The following PTPRD variants were observed in gnomAD, a reference collection of about 807,000 sequenced individuals.
The protein encoded by PTPRD is protein tyrosine phosphatase receptor type D, also known as receptor-type tyrosine-protein phosphatase delta.
In PTPRD, 34 loss-of-function variants were observed where a neutral mutation model predicts 214.5. The ratio of observed to expected loss-of-function variants is 0.16; its 90% CI spans 0.12 to 0.21. The LOEUF (loss-of-function observed/expected upper bound fraction) is 0.21, where lower values mean the gene tolerates loss of function less well. Among genes scored for constraint, PTPRD ranks in the 10% least tolerant of loss-of-function variants. The pLI is 1.00. For missense variants in PTPRD, 2,545 were observed against 2,398.7 expected (o/e 1.06, Z -1.27); for synonymous variants, 1,128 against 845.7 (o/e 1.33, Z -5.79).
chr9:9,593,742 A>T (rs143575776), intron 7 of PTPRD, among the ~76,000 whole-genome samples: 1,830 of 152,156 alleles, frequency 0.012, 9 homozygotes, highest in Non-Finnish European at 0.019. Context: ...CACTGAGGAA[A>T]TGCAGTCATT....
chr9:8,766,586 C>A (rs2094770548), intron 11 of PTPRD, among the ~76,000 whole-genome samples: 1 of 152,172 alleles, frequency 6.6e-6, no homozygotes, highest in South Asian at 2.1e-4. Flanking sequence ...CACAAAAGCA[C>A]TCACCTATGT....
intron 14 of PTPRD, among the ~76,000 whole-genome samples, chr9:8,610,832 T>C (rs750455958): frequency 2.0e-5 from 3 of 152,200 alleles, no homozygotes; most frequent in Non-Finnish European, 4.4e-5. Context: ...CATTAAACCA[T>C]ACAACAGGAC....
chr9:9,438,828 T>C (rs543183924), intron 8 of PTPRD, among the ~76,000 whole-genome samples: 6 of 152,190 alleles, frequency 3.9e-5, no homozygotes, highest in Admixed American at 2.0e-4. Context: ...ATAAATGCAA[T>C]ATTCTAAATT....
chr9:9,955,136 T>C (rs1264917150), intron 4 of PTPRD, among the ~76,000 whole-genome samples: 3 of 152,186 alleles, frequency 2.0e-5, no homozygotes, highest in East Asian at 1.9e-4. Flanking sequence ...AACAGCAATG[T>C]AGTCAGGTCC....
intron 2 of PTPRD, among the ~76,000 whole-genome samples, chr9:10,593,806 G>A (rs1172361383): frequency 6.6e-6 from 1 of 151,832 alleles, no homozygotes; most frequent in East Asian, 1.9e-4. Flanking sequence ...AAGCCTATTT[G>A]TAACCTTGAA....
intron 2 of PTPRD, among the ~76,000 whole-genome samples, chr9:10,390,789 G>A (rs1164549101): frequency 6.6e-6 from 1 of 151,696 alleles, no homozygotes; most frequent in Non-Finnish European, 1.5e-5. Context: ...TTATTCATAT[G>A]ACACATGTCT....
chr9:9,710,319 T>C (rs575561079), intron 7 of PTPRD, among the ~76,000 whole-genome samples: 1 of 152,226 alleles, frequency 6.6e-6, no homozygotes, highest in African/African-American at 2.4e-5. Flanking sequence ...CCCAGAACTC[T>C]AAAATTTAGT....
At chr9:9,106,612 CAAAAAAAAAA>C (rs5896301) in intron 10 of PTPRD, among the ~76,000 whole-genome samples, 1 of 71,632 alleles carries the variant, frequency 1.4e-5, no homozygotes, top group African/African-American at 5.3e-5. Context: ...ATTCCATAGG[CAAAAAAAAAA>C]AAAAAAAAAA....
At chr9:8,412,164 C>T (rs2093584441) in intron 35 of PTPRD, among the ~76,000 whole-genome samples, 1 of 152,260 alleles carries the variant, frequency 6.6e-6, no homozygotes. Context: ...CTACTCTACT[C>T]AGGATGCTGA....
intron 21 of PTPRD, among the ~76,000 whole-genome samples, chr9:8,508,315 G>C (rs6477313): frequency 0.2 from 30,251 of 152,082 alleles, 3,285 homozygotes; most frequent in African/African-American, 0.28. Flanking sequence ...AGAATAATTA[G>C]TAACCTAAAC....
At chr9:9,836,250 T>A (rs529721649) in intron 5 of PTPRD, among the ~76,000 whole-genome samples, 62 of 152,256 alleles carry the variant, frequency 4.1e-4, no homozygotes, top group African/African-American at 1.4e-3. Flanking sequence ...GTGCTCCATG[T>A]ACAAGTTAAC....
Position 10,118,298 on chromosome 9 carries a change from T to C in PTPRD, c.-544-84508A>G, listed in dbSNP as rs61647582. ...TATTATCTATATATCTATAGAAACA[T>C]TTATTATCTATATAACTGTCTATAT... On this transcript the variant is annotated intron_variant, in intron 3 of 45. Transcript: ENST00000381196. Among the ~76,000 whole-genome samples, 1,030 of 151,736 alleles carry C rather than the reference T, an allele frequency of 6.8e-3. 13 individuals carry two copies. The highest frequency in any genetic ancestry group is 0.022 in the African/African-American group (922 of 41,514).
At chr9:10,182,772 T>G (rs985727574) in intron 3 of PTPRD, among the ~76,000 whole-genome samples, 2 of 152,176 alleles carry the variant, frequency 1.3e-5, no homozygotes, top group African/African-American at 4.8e-5. Flanking sequence ...CAAGTGGGTG[T>G]ATAAATTAGT....
At chr9:9,746,770 G>A (rs1176122309) in intron 6 of PTPRD, among the ~76,000 whole-genome samples, 3 of 148,706 alleles carry the variant, frequency 2.0e-5, no homozygotes, top group Non-Finnish European at 3.0e-5. Flanking sequence ...TTGGGTCACA[G>A]TTTTTTACTT....
chr9:9,251,924 A>C (rs1569565726), intron 9 of PTPRD, among the ~76,000 whole-genome samples: 1 of 152,108 alleles, frequency 6.6e-6, no homozygotes, highest in Non-Finnish European at 1.5e-5. Flanking sequence ...TGAAATACAA[A>C]ATACTACCCA....
intron 5 of PTPRD, among the ~76,000 whole-genome samples, chr9:9,881,107 G>A (rs965385276): frequency 4.6e-5 from 7 of 152,084 alleles, no homozygotes; most frequent in African/African-American, 1.4e-4. Context: ...TCCTTGGGCA[G>A]TGAAGTGAAA....
At chr9:8,642,073 A>G (rs2096588993) in intron 12 of PTPRD, among the ~76,000 whole-genome samples, 1 of 152,234 alleles carries the variant, frequency 6.6e-6, no homozygotes, top group African/African-American at 2.4e-5. Flanking sequence ...GAAGTCCACC[A>G]GTAACATCCA....
intron 3 of PTPRD, among the ~76,000 whole-genome samples, chr9:10,138,605 C>T (rs75643251): frequency 0.027 from 4,088 of 151,892 alleles, 67 homozygotes; most frequent in Middle Eastern, 0.065. Context: ...CACAGAGACA[C>T]AATATCAGGA....
At chr9:9,228,866 C>A (rs2099961217) in intron 9 of PTPRD, among the ~76,000 whole-genome samples, 1 of 152,118 alleles carries the variant, frequency 6.6e-6, no homozygotes, top group Middle Eastern at 3.4e-3. Flanking sequence ...AGGCAGAATT[C>A]TAATAAGCAG....
Sources: allele counts gnomAD v4.1 joint callset (sites outside exome capture counted in the v4.1 genomes callset), GRCh38; gene constraint gnomAD v4.1.1; transcripts MANE v1.5; gene names NCBI Gene and HGNC (gene_info 2026-07-23, HGNC 2026-07-21).